PCDHA2: variants seen among roughly 807,000 people sequenced by gnomAD.
PCDHA2 encodes protocadherin alpha-2.
In PCDHA2, 58 loss-of-function variants were observed where a neutral mutation model predicts 66.0. The ratio of observed to expected loss-of-function variants is 0.88; its 90% CI spans 0.71 to 1.09. The LOEUF (loss-of-function observed/expected upper bound fraction) is 1.09. Among genes scored for constraint, PCDHA2 ranks in the 50% least tolerant of loss-of-function variants. The pLI, the probability that PCDHA2 is intolerant of heterozygous loss-of-function variation, is 0.00. For synonymous variants in PCDHA2, 634 were observed against 554.0 expected, an observed-to-expected ratio of 1.14 and a Z score of -2.03; for missense variants, 1,267 against 1,242.3, an observed-to-expected ratio of 1.02 and a Z score of -0.30.
chr5:140,946,491 G>T (rs1292553232), intron 1 of PCDHA2, among the ~76,000 whole-genome samples: 2 of 151,676 alleles, frequency 1.3e-5, no homozygotes, highest in Middle Eastern at 3.4e-3. Context: ...CAAAGGAAAT[G>T]AAATCAGTAT....
intron 1 of PCDHA2, chr5:140,884,085 G>A (rs1181483962): frequency 6.2e-7 from 1 of 1,613,484 alleles, no homozygotes; most frequent in Non-Finnish European, 8.5e-7. Flanking sequence ...TACAATGCGT[G>A]GCTTTCGTAT....
intron 1 of PCDHA2, among the ~76,000 whole-genome samples, chr5:140,941,198 T>TCTTCCTTTCTTC (rs1563184149): frequency 4.2e-5 from 5 of 119,808 alleles, no homozygotes; most frequent in African/African-American, 1.0e-4. Context: ...TTTTTTTCTT[T>TCTTCCTTTCTTC]CTTCCTTTCT....
intron 3 of PCDHA2, among the ~76,000 whole-genome samples, chr5:141,007,525 G>C (rs782132903): frequency 1.3e-4 from 19 of 151,814 alleles, no homozygotes; most frequent in Non-Finnish European, 2.5e-4. Context: ...CTGATATCTC[G>C]CCACTGCACT....
intron 1 of PCDHA2, among the ~76,000 whole-genome samples, chr5:140,961,220 G>T (rs2095597952): frequency 6.6e-6 from 1 of 152,032 alleles, no homozygotes; most frequent in Non-Finnish European, 1.5e-5. Flanking sequence ...GAAGAAACTG[G>T]GTCCCAAAAA....
chr5:140,875,530 C>T lies in PCDHA2; in HGVS notation c.2388+78178C>T, dbSNP rs782004877. On this transcript the variant is annotated intron_variant, in intron 1 of 3. Transcript: ENST00000526136. Reference sequence around the variant, plus strand: ...CCAGCGTCTGCTGCTCTCGCTTCTGCTCCTTGCAGCCTGGGAGGTGGGGAG... The same window carrying T: ...CCAGCGTCTGCTGCTCTCGCTTCTGTTCCTTGCAGCCTGGGAGGTGGGGAG... 9 of 1,614,004 alleles carry T rather than the reference C, an allele frequency of 5.6e-6. No individual in the cohort carries two copies. The South Asian group carries it at 8.8e-5, about 16-fold the overall frequency.
chr5:140,824,150 C>T (rs147799360), intron 1 of PCDHA2: 58 of 1,611,190 alleles, frequency 3.6e-5, no homozygotes, highest in Non-Finnish European at 4.2e-5. Context: ...ATATTAACAT[C>T]CATCTTTCCC....
At chr5:140,868,446 A>G (rs1224722166) in intron 1 of PCDHA2, 1 of 152,368 alleles carries the variant, frequency 6.6e-6, no homozygotes, top group Non-Finnish European at 1.5e-5. Flanking sequence ...TGTGGAACAT[A>G]AACACTAAAG....
At chr5:140,884,188 G>C in intron 1 of PCDHA2, 1 of 1,613,436 alleles carries the variant, frequency 6.2e-7, no homozygotes, top group Middle Eastern at 1.7e-4. Flanking sequence ...TGGACGAGGT[G>C]GACGCGCCGC....
intron 1 of PCDHA2, chr5:140,842,539 G>A (rs182995378): frequency 1.2e-6 from 2 of 1,610,436 alleles, no homozygotes; most frequent in African/African-American, 1.3e-5. Context: ...ATTACTACTC[G>A]TTGGTGCTGG....
intron 1 of PCDHA2, chr5:140,861,823 G>A (rs2047101556): frequency 1.3e-5 from 2 of 159,302 alleles, no homozygotes; most frequent in Non-Finnish European, 2.7e-5. Flanking sequence ...TTTCAGATAG[G>A]TAAGTCACTT....
chr5:140,858,167 A>G, intron 1 of PCDHA2: 2 of 1,597,724 alleles, frequency 1.3e-6, no homozygotes, highest in Non-Finnish European at 1.7e-6. Flanking sequence ...CGCGGTGTCC[A>G]GCTTGCTGGT....
chr5:140,924,830 G>A (rs1240824600), intron 1 of PCDHA2, among the ~76,000 whole-genome samples: 1 of 151,612 alleles, frequency 6.6e-6, no homozygotes, highest in African/African-American at 2.4e-5. Flanking sequence ...GGGAGGGGGA[G>A]GTTGCAGGGA....
chr5:140,967,733 C>A (rs1473723959), intron 1 of PCDHA2: 1 of 1,614,024 alleles, frequency 6.2e-7, no homozygotes, highest in Non-Finnish European at 8.5e-7. Flanking sequence ...AATTGGGGGG[C>A]TGGATTATGA....
At position 140,897,620 on chromosome 5, in the gene PCDHA2, A is replaced by G. The variant is rs1317464980; in HGVS notation, c.2389-81329A>G. On this transcript the variant is annotated intron_variant, in intron 1 of 3. Coordinates refer to ENST00000526136, the MANE Select transcript of PCDHA2 (RefSeq NM_018905.3). Reference sequence around the variant, plus strand: ...ACATTTGGGTTGGTTCCAAGTCTTTACTATTGTGTATAGTGCCACAATAAA... The same window carrying G: ...ACATTTGGGTTGGTTCCAAGTCTTTGCTATTGTGTATAGTGCCACAATAAA... Among the ~76,000 whole-genome samples, 1,214 of 152,126 alleles carry G rather than the reference A, an allele frequency of 8.0e-3. 6 individuals are homozygous for G. The highest frequency in any genetic ancestry group is 0.019 in the African/African-American group (783 of 41,492).
chr5:140,848,761 G>C lies in PCDHA2; in HGVS notation c.2388+51409G>C, dbSNP rs200597765. 1.3e-5 allele frequency: 21 copies of C among 1,593,458 alleles called. No individual in the cohort carries two copies. In the South Asian group the frequency reaches 2.2e-4, roughly 17 times the overall value. On this transcript the variant is annotated intron_variant, in intron 1 of 3. Coordinates refer to ENST00000526136, the MANE Select transcript of PCDHA2 (RefSeq NM_018905.3). Reference sequence around the variant, plus strand: ...AATGGCATTTTGTTTGTGAATTCTCGGATCGACCGCGAGGAGCTGTGCGGG... The same window carrying C: ...AATGGCATTTTGTTTGTGAATTCTCCGATCGACCGCGAGGAGCTGTGCGGG...
chr5:140,938,215 G>C (rs1270663444), intron 1 of PCDHA2, among the ~76,000 whole-genome samples: 3 of 152,100 alleles, frequency 2.0e-5, no homozygotes, highest in Non-Finnish European at 4.4e-5. Context: ...CAAAGTGCTG[G>C]GATTACAGGC....
At chr5:140,857,747 T>C (rs2150398019) in intron 1 of PCDHA2, 2 of 1,597,058 alleles carry the variant, frequency 1.3e-6, no homozygotes, top group South Asian at 1.1e-5. Context: ...GCTGCTGGCG[T>C]CTCCCGCTGG....
At chr5:140,836,054 C>T in intron 1 of PCDHA2, 2 of 1,613,594 alleles carry the variant, frequency 1.2e-6, no homozygotes, top group Non-Finnish European at 1.7e-6. Flanking sequence ...TCGTGCTGGA[C>T]GAGAACGACA....
chr5:140,895,447 G>T (rs1188860605), intron 1 of PCDHA2, among the ~76,000 whole-genome samples: 1 of 152,060 alleles, frequency 6.6e-6, no homozygotes, highest in South Asian at 2.1e-4. Flanking sequence ...CTTTTCATGT[G>T]CTTATTGGTC....
Sources: gnomAD v4.1 joint callset for allele counts (sites outside exome capture counted in the v4.1 genomes callset) on GRCh38, gnomAD v4.1.1 for gene constraint, MANE v1.5 for transcripts, NCBI Gene and HGNC (gene_info 2026-07-23, HGNC 2026-07-21) for gene names.